ERICH6: variants seen among roughly 807,000 people sequenced by gnomAD.
ERICH6 encodes the protein glutamate rich 6, also known as glutamate-rich protein 6.
In ERICH6, 71 loss-of-function variants were observed where a neutral mutation model predicts 71.0. The observed-to-expected ratio is 1.00, with a 90% CI of 0.83 to 1.22. ERICH6 has a LOEUF of 1.22. Among genes scored for constraint, ERICH6 ranks in the 50% most tolerant of loss-of-function variants. ERICH6 has a pLI of 0.00. For missense variants in ERICH6, 808 were observed against 797.2 expected (o/e 1.01, Z -0.16); for synonymous variants, 262 against 278.4 (o/e 0.94, Z 0.59).
chr3:150,687,912 G>A (rs1712263513), intron 3 of ERICH6, among the ~76,000 whole-genome samples: 1 of 152,122 alleles, frequency 6.6e-6, no homozygotes, highest in African/African-American at 2.4e-5. Context: ...GAGTACATGA[G>A]TTTGAGAACA....
chr3:150,698,539 T>C lies in ERICH6; in HGVS notation c.553+252A>G, dbSNP rs111926116. 7.4e-3 allele frequency among the ~76,000 whole-genome samples: 1,132 copies of C among 152,362 alleles called. 7 individuals are homozygous for C. The highest frequency in any genetic ancestry group is 0.011 in the Non-Finnish European group (757 of 68,028). On this transcript the variant is annotated intron_variant, in intron 3 of 13. Transcript: ENST00000295910. ...AGATTATTTCTTGATGTGAACATAA[T>C]TGCTACCATTTATTGAATACTGAAA...
At chr3:150,682,846 T>C (rs1443163338) in intron 6 of ERICH6, among the ~76,000 whole-genome samples, 2 of 152,160 alleles carry the variant, frequency 1.3e-5, no homozygotes, top group African/African-American at 4.8e-5. Context: ...GAGCCTAGGT[T>C]GGAGCTCTGA....
At chr3:150,697,589 T>A (rs1449842247) in intron 3 of ERICH6, among the ~76,000 whole-genome samples, 2 of 152,160 alleles carry the variant, frequency 1.3e-5, no homozygotes, top group Non-Finnish European at 2.9e-5. Context: ...CATTTGAGCC[T>A]GTTGATCATT....
At chr3:150,691,929 G>A (rs936254291) in intron 3 of ERICH6, among the ~76,000 whole-genome samples, 2 of 152,004 alleles carry the variant, frequency 1.3e-5, no homozygotes, top group Admixed American at 6.6e-5. Flanking sequence ...GAGACACAGG[G>A]CCAGAAATTA....
chr3:150,681,184 C>T (rs1022842387), intron 7 of ERICH6, among the ~76,000 whole-genome samples: 2 of 152,218 alleles, frequency 1.3e-5, no homozygotes, highest in Admixed American at 1.3e-4. Context: ...TCCTCACTAA[C>T]AGTCACTTCC....
intron 3 of ERICH6, among the ~76,000 whole-genome samples, chr3:150,691,235 T>C (rs1275227826): frequency 1.3e-5 from 2 of 152,220 alleles, no homozygotes; most frequent in African/African-American, 2.4e-5. Flanking sequence ...TACATACTTG[T>C]AGATGAACTC....
intron 11 of ERICH6, among the ~76,000 whole-genome samples, chr3:150,669,715 CA>C (rs1711497426): frequency 6.6e-6 from 1 of 152,180 alleles, no homozygotes; most frequent in Admixed American, 6.5e-5. Context: ...CCCAGATATG[CA>C]AGGTTGGTTT....
At position 150,702,182 on chromosome 3, in the gene ERICH6, T is replaced by C; in HGVS notation, c.404-4A>G. ...GTCTGAAATATTTTAGGGAAACCTG[T>C]TGAATGAAACATTTAAAAATCAGCT... On this transcript the variant is annotated splice_region_variant and splice_polypyrimidine_tract_variant and intron_variant, in intron 1 of 13. Coordinates refer to ENST00000295910, the MANE Select transcript of ERICH6 (RefSeq NM_152394.5). The C allele has an allele frequency of 6.3e-7, 1 of 1,577,348 alleles. No homozygotes were observed. The highest frequency in any genetic ancestry group is 8.7e-7 in the Non-Finnish European group (1 of 1,153,772).
intron 3 of ERICH6, 133 bp downstream of exon 3, chr3:150,698,658 C>G: frequency 1.6e-6 from 1 of 641,570 alleles, no homozygotes; most frequent in Non-Finnish European, 2.7e-6. Context: ...GGGTAAGCAA[C>G]TTGCCCAACA....
At chr3:150,666,002 T>C (rs1727403170) in intron 13 of ERICH6, among the ~76,000 whole-genome samples, 1 of 152,322 alleles carries the variant, frequency 6.6e-6, no homozygotes, top group South Asian at 2.1e-4. Context: ...CCTTAGTACT[T>C]TGCATTCTCA....
intron 13 of ERICH6, among the ~76,000 whole-genome samples, chr3:150,665,211 C>A (rs534280118): frequency 1.2e-4 from 19 of 152,220 alleles, no homozygotes; most frequent in African/African-American, 4.1e-4. Context: ...ACATTGTAGA[C>A]CCTCGCTCTA....
chr3:150,703,215 A>T lies in ERICH6; in HGVS notation c.403+281T>A, dbSNP rs559805049. Among the ~76,000 whole-genome samples the T allele has an allele frequency of 1.7e-4, 25 of 150,532 alleles. No homozygotes were observed. In the East Asian group the frequency reaches 3.3e-3, roughly 20 times the overall value. ...ACTCCAGCCTGGGCGACAGAGCGAG[A>T]CTCTTGTCTAAAAAAAAAAAAGCAC... On this transcript the variant is annotated intron_variant, in intron 1 of 13. Coordinates refer to ENST00000295910, the MANE Select transcript of ERICH6 (RefSeq NM_152394.5).
At chr3:150,670,037 AT>A (rs1318375131) in intron 11 of ERICH6, among the ~76,000 whole-genome samples, 1 of 151,918 alleles carries the variant, frequency 6.6e-6, no homozygotes, top group African/African-American at 2.4e-5. Flanking sequence ...CTACAAAACA[AT>A]TTTTTTCATC....
At position 150,686,162 on chromosome 3, in the gene ERICH6, G is replaced by A. The variant is rs928797334; in HGVS notation, c.610+136C>T. The A allele has an allele frequency of 1.6e-5, 20 of 1,238,786 alleles. No homozygotes were observed. In the Admixed American group the frequency reaches 2.5e-4, roughly 15 times the overall value. 76.7% of individuals were successfully genotyped at this position (1,238,786 alleles called of 1,614,324 possible). On this transcript the variant is annotated intron_variant, in intron 4 of 13. Transcript: ENST00000295910. ...CTGTTCAGATGCCCTGATCCCTGAC[G>A]TTTTCGCCACCTTCTCACACCTGTT...
At chr3:150,660,586 G>A (rs1727184272) in intron 13 of ERICH6, among the ~76,000 whole-genome samples, 1 of 152,100 alleles carries the variant, frequency 6.6e-6, no homozygotes, top group Non-Finnish European at 1.5e-5. Context: ...TCCCTTTCCT[G>A]CTCCTAAATG....
In ERICH6 at chr3:150,682,315, T is replaced by A; in HGVS notation, c.785A>T (p.Asp262Val). ...TTTGGGTGATGTCTCCTCCTCTTCA[T>A]CCTTCAGAGAGAGAGGAAAAAAATT... Reference protein sequence around the residue: ...ESSNLGINFKDEEEETSPKCE... With the variant: ...ESSNLGINFKVEEEETSPKCE... Residue 262 changes from aspartate to valine, a missense_variant and splice_region_variant, in exon 7 of 14, where the codon GAT (aspartate) becomes GTT (valine). Physicochemically the swap from Asp to Val is radical, Grantham distance 152 (BLOSUM62 -3). This residue lies in a region of ERICH6 where 736 missense variants were observed against 712.2 expected (regional missense o/e 1.03). Transcript: ENST00000295910. The A allele has an allele frequency of 6.2e-7, 1 of 1,611,862 alleles. No individual in the cohort carries two copies. Among genetic ancestry groups the A allele is most frequent in the Non-Finnish European group, 8.5e-7 (1 of 1,179,612 alleles).
At chr3:150,699,551 T>C (rs995234419) in intron 2 of ERICH6, among the ~76,000 whole-genome samples, 3 of 152,088 alleles carry the variant, frequency 2.0e-5, no homozygotes, top group African/African-American at 4.8e-5. Flanking sequence ...TATCAGCCAT[T>C]CATTTATAAA....
intron 2 of ERICH6, among the ~76,000 whole-genome samples, chr3:150,701,740 AAG>A (rs1052263693): frequency 6.6e-6 from 1 of 152,286 alleles, no homozygotes; most frequent in South Asian, 2.1e-4. Flanking sequence ...CAAGAAAAAG[AAG>A]AGAGAGAGAG....
intron 10 of ERICH6, among the ~76,000 whole-genome samples, chr3:150,674,957 A>G (rs1292147539): frequency 6.6e-6 from 1 of 151,980 alleles, no homozygotes; most frequent in African/African-American, 2.4e-5. Flanking sequence ...ACATGGTGAA[A>G]CCCTGTCTTC....
Sources: allele counts gnomAD v4.1 joint callset (sites outside exome capture counted in the v4.1 genomes callset), GRCh38; gene constraint gnomAD v4.1.1; regional missense constraint gnomAD v4.1.1; transcripts MANE v1.5; gene names NCBI Gene and HGNC (gene_info 2026-07-23, HGNC 2026-07-21).